PTPRQ: variants seen among roughly 807,000 people sequenced by gnomAD.
PTPRQ encodes the protein phosphatidylinositol phosphatase PTPRQ.
In PTPRQ, 199 loss-of-function variants were observed where a neutral mutation model predicts 246.0. The ratio of observed to expected loss-of-function variants is 0.81; its 90% CI spans 0.72 to 0.91. PTPRQ has a LOEUF of 0.91. Ranked by LOEUF, PTPRQ falls within the 40% of genes least tolerant of loss-of-function variation. PTPRQ has a pLI of 0.00. For missense variants in PTPRQ, 2,624 were observed against 2,528.4 expected, an observed-to-expected ratio of 1.04 and a Z score of -0.81; for synonymous variants, 869 against 853.2, an observed-to-expected ratio of 1.02 and a Z score of -0.32.
chr12:80,446,510 T>C (rs1892558795), intron 3 of PTPRQ, among the ~76,000 whole-genome samples: 1 of 151,678 alleles, frequency 6.6e-6, no homozygotes, highest in African/African-American at 2.4e-5. Context: ...ATGGTGGGGT[T>C]TGGGCTTCTA....
chr12:80,514,747 T>C (rs1025755386), intron 17 of PTPRQ, among the ~76,000 whole-genome samples: 1 of 146,378 alleles, frequency 6.8e-6, no homozygotes, highest in Non-Finnish European at 1.5e-5. Flanking sequence ...TTACATTAGG[T>C]ATTATATAAT....
At chr12:80,603,136 C>G (rs1898197605) in intron 26 of PTPRQ, among the ~76,000 whole-genome samples, 1 of 151,694 alleles carries the variant, frequency 6.6e-6, no homozygotes, top group African/African-American at 2.4e-5. Flanking sequence ...TCAATTTGCA[C>G]CCACATCAAA....
At chr12:80,458,070 CA>C (rs1249696783) in intron 4 of PTPRQ, among the ~76,000 whole-genome samples, 4 of 152,008 alleles carry the variant, frequency 2.6e-5, no homozygotes, top group Non-Finnish European at 5.9e-5. Context: ...CTTGTTATAA[CA>C]TAAGACTTTT....
At position 80,542,215 on chromosome 12, in the gene PTPRQ, C is replaced by A. The variant is rs1038286147; in HGVS notation, c.3572C>A (p.Pro1191Gln). ...AGTTATGATTTAACTTTACAAGGAC[C>A]AAATGAAAATTATTCTTTCATTACT... ...IISYDLTLQGPNENYSFITSD... is the reference protein window; with the variant it reads ...IISYDLTLQGQNENYSFITSD... Residue 1191 changes from proline (P) to glutamine (Q), a missense_variant, in exon 22 of 45, where the codon CCA becomes CAA. Pro to Gln is a moderately conservative substitution (Grantham distance 76). Transcript: ENST00000644991. The A allele has an allele frequency of 7.7e-6, 12 of 1,550,798 alleles. No homozygotes were observed. The highest frequency in any genetic ancestry group is 5.9e-5 in the Admixed American group (3 of 50,944).
At chr12:80,571,098 G>T (rs562000191) in intron 25 of PTPRQ, among the ~76,000 whole-genome samples, 5 of 152,198 alleles carry the variant, frequency 3.3e-5, no homozygotes, top group South Asian at 4.1e-4. Context: ...ATTTAAAGTG[G>T]TTTTTTTCTA....
At chr12:80,678,069 C>G (rs774737908) in intron 43 of PTPRQ, among the ~76,000 whole-genome samples, 1 of 152,088 alleles carries the variant, frequency 6.6e-6, no homozygotes, top group Non-Finnish European at 1.5e-5. Context: ...ACTTCAATGA[C>G]CCACTGCCTT....
intron 20 of PTPRQ, among the ~76,000 whole-genome samples, chr12:80,541,028 G>A (rs547533656): frequency 1.3e-5 from 2 of 152,178 alleles, no homozygotes; most frequent in East Asian, 1.9e-4. Context: ...ATGTACAAAT[G>A]TGAGTTGGTA....
rs149493434 is a variant in PTPRQ at position 80,498,871 on chromosome 12, A to G, written c.2272+2340A>G. The stretch of plus-strand genomic sequence containing the variant: ...AATGTTTTTGTTTTCTGATTATTAC[A>G]TGCACATAATCTTTTACTTAGTATT... On this transcript the variant is annotated intron_variant, in intron 14 of 44. Transcript: ENST00000644991. 4.0e-3 allele frequency among the ~76,000 whole-genome samples: 588 copies of G among 145,898 alleles called. 4 individuals carry two copies. The highest frequency in any genetic ancestry group is 0.014 in the African/African-American group (549 of 37,926).
At chr12:80,627,404 A>G (rs1899247095) in intron 33 of PTPRQ, among the ~76,000 whole-genome samples, 1 of 150,384 alleles carries the variant, frequency 6.6e-6, no homozygotes, top group Admixed American at 6.6e-5. Context: ...GAGGAGGAGG[A>G]GGAGGAAGGG....
intron 14 of PTPRQ, among the ~76,000 whole-genome samples, chr12:80,498,918 G>T (rs1894710805): frequency 6.6e-6 from 1 of 151,820 alleles, no homozygotes; most frequent in Non-Finnish European, 1.5e-5. Context: ...TTTATTTTCT[G>T]TTTTATTGTC....
At chr12:80,615,710 A>G (rs1484212303) in intron 29 of PTPRQ, among the ~76,000 whole-genome samples, 1 of 151,114 alleles carries the variant, frequency 6.6e-6, no homozygotes, top group African/African-American at 2.4e-5. Context: ...ATAGGATTTC[A>G]TCTTAGAGAG....
intron 35 of PTPRQ, among the ~76,000 whole-genome samples, chr12:80,636,170 A>T (rs1899641425): frequency 6.6e-6 from 1 of 152,212 alleles, no homozygotes; most frequent in South Asian, 2.1e-4. Context: ...TGACTTTTTA[A>T]ACATTCAGAT....
chr12:80,676,692 T>A (rs1901156241), intron 43 of PTPRQ, among the ~76,000 whole-genome samples: 1 of 151,926 alleles, frequency 6.6e-6, no homozygotes, highest in African/African-American at 2.4e-5. Context: ...CCCCAGGAAA[T>A]TTGAAAGGCC....
intron 9 of PTPRQ, among the ~76,000 whole-genome samples, chr12:80,489,538 T>G (rs1294241093): frequency 6.6e-6 from 1 of 152,046 alleles, no homozygotes; most frequent in Non-Finnish European, 1.5e-5. Flanking sequence ...ATATCCTTAG[T>G]TTTTATTAGT....
chr12:80,648,302 T>G (rs1900143713), intron 35 of PTPRQ, among the ~76,000 whole-genome samples: 1 of 152,134 alleles, frequency 6.6e-6, no homozygotes, highest in South Asian at 2.1e-4. Flanking sequence ...TCTCTAAGTT[T>G]GTGTATGTTG....
intron 30 of PTPRQ, 128 bp downstream of exon 30, chr12:80,616,394 G>A (rs572379006): frequency 7.9e-6 from 6 of 759,226 alleles, no homozygotes; most frequent in Admixed American, 9.0e-5. Context: ...CACATACTAA[G>A]TAAAAATGTG....
chr12:80,522,654 C>T (rs1423795603), intron 17 of PTPRQ, among the ~76,000 whole-genome samples: 2 of 152,016 alleles, frequency 1.3e-5, no homozygotes, highest in African/African-American at 4.8e-5. Flanking sequence ...TGTTTATATG[C>T]TGGATTATGT....
At chr12:80,568,422 G>A (rs888874567) in intron 25 of PTPRQ, among the ~76,000 whole-genome samples, 1 of 152,116 alleles carries the variant, frequency 6.6e-6, no homozygotes, top group Non-Finnish European at 1.5e-5. Context: ...ATCAGCAAGA[G>A]TTCTCTTGGT....
At position 80,605,075 on chromosome 12, in the gene PTPRQ, T is replaced by C. The variant is rs1898265932; in HGVS notation, c.4626T>C (p.Pro1542=). 1 of 1,542,400 alleles carries C rather than the reference T, an allele frequency of 6.5e-7. No homozygotes were observed. Among genetic ancestry groups the C allele is most frequent in the African/African-American group, 1.4e-5 (1 of 72,420 alleles). ...KTLPGPPDGP[P]ENVHVVATSP... The stretch of plus-strand genomic sequence containing the variant: ...TTGTCATAGCTCCAGATGGTCCTCC[T>C]GAAAATGTTCATGTAGTAGCAACAT... Residue 1542 remains proline (P), a synonymous_variant, in exon 27 of 45, where the codon CCT becomes CCC. Transcript: ENST00000644991.
Sources: gnomAD v4.1 joint callset for allele counts (sites outside exome capture counted in the v4.1 genomes callset) on GRCh38, gnomAD v4.1.1 for gene constraint, MANE v1.5 for transcripts, NCBI Gene and HGNC (gene_info 2026-07-23, HGNC 2026-07-21) for gene names.